UBE2H: variants seen among roughly 807,000 people sequenced by gnomAD.
UBE2H encodes ubiquitin conjugating enzyme E2 H.
A neutral mutation model predicts 29.0 loss-of-function variants in UBE2H; 3 were observed. The observed-to-expected ratio is 0.10, with a 90% CI of 0.05 to 0.27. The LOEUF (loss-of-function observed/expected upper bound fraction) is 0.27, where lower values mean the gene tolerates loss of function less well. Among genes scored for constraint, UBE2H ranks in the 10% least tolerant of loss-of-function variants. The pLI, the probability that UBE2H is intolerant of heterozygous loss-of-function variation, is 1.00. For synonymous variants in UBE2H, 69 were observed against 82.9 expected (o/e 0.83, Z 0.91); for missense variants, 68 against 228.2 (o/e 0.30, Z 4.52).
At chr7:129,843,549 C>T (rs1034185834) in intron 5 of UBE2H, among the ~76,000 whole-genome samples, 8 of 152,176 alleles carry the variant, frequency 5.3e-5, no homozygotes, top group Admixed American at 3.3e-4. Flanking sequence ...GCAAATTTCA[C>T]GAAGGCACAA....
intron 5 of UBE2H, among the ~76,000 whole-genome samples, chr7:129,845,084 T>C (rs1367581861): frequency 6.6e-6 from 1 of 152,194 alleles, no homozygotes; most frequent in East Asian, 1.9e-4. Context: ...GAGCTGAGAT[T>C]GTACCACTGC....
chr7:129,874,775 A>C (rs1806114210), intron 3 of UBE2H, among the ~76,000 whole-genome samples: 1 of 152,198 alleles, frequency 6.6e-6, no homozygotes, highest in Admixed American at 6.5e-5. Flanking sequence ...CAGAAAAGAA[A>C]AAGGTGAGAA....
At chr7:129,855,775 T>C (rs974571814) in intron 5 of UBE2H, among the ~76,000 whole-genome samples, 1 of 152,178 alleles carries the variant, frequency 6.6e-6, no homozygotes, top group African/African-American at 2.4e-5. Context: ...TATGCACCTA[T>C]AGTCCCAGCT....
intron 3 of UBE2H, among the ~76,000 whole-genome samples, chr7:129,871,133 T>TA (rs1372542339): frequency 6.6e-6 from 1 of 152,166 alleles, no homozygotes. Flanking sequence ...CAAAAGAACA[T>TA]AAAGTATTAA....
chr7:129,871,557 T>A (rs746795808), intron 3 of UBE2H, among the ~76,000 whole-genome samples: 1 of 151,866 alleles, frequency 6.6e-6, no homozygotes, highest in Non-Finnish European at 1.5e-5. Flanking sequence ...TCTCCTACAA[T>A]ACAAAAATTA....
At chr7:129,842,869 C>T (rs1805451046) in intron 5 of UBE2H, among the ~76,000 whole-genome samples, 1 of 152,048 alleles carries the variant, frequency 6.6e-6, no homozygotes, top group Non-Finnish European at 1.5e-5. Flanking sequence ...CGCCATTGCA[C>T]CGCAGCCTGT....
At chr7:129,848,376 A>T (rs956127409) in intron 5 of UBE2H, among the ~76,000 whole-genome samples, 2 of 152,242 alleles carry the variant, frequency 1.3e-5, no homozygotes, top group Non-Finnish European at 2.9e-5. Flanking sequence ...CTGGCTTTCC[A>T]AGCCGAAAAT....
Position 129,884,218 on chromosome 7 carries a change from C to T in UBE2H, c.54-3247G>A, listed in dbSNP as rs909284771. ...GGATCACGAGGTCAGGAGATCGAGA[C>T]CATCCTGGTTAACACGGTGAAACCC... On this transcript the variant is annotated intron_variant, in intron 1 of 6. Transcript: ENST00000355621. 5.3e-5 allele frequency among the ~76,000 whole-genome samples: 8 copies of T among 152,190 alleles called. No individual in the cohort carries two copies. In the East Asian group the frequency reaches 9.7e-4, roughly 18 times the overall value.
At chr7:129,860,288 T>C (rs1249362399) in intron 3 of UBE2H, among the ~76,000 whole-genome samples, 1 of 152,224 alleles carries the variant, frequency 6.6e-6, no homozygotes, top group African/African-American at 2.4e-5. Flanking sequence ...CATAATGTTC[T>C]ATCTACTACA....
intron 1 of UBE2H, among the ~76,000 whole-genome samples, chr7:129,918,637 A>G (rs1353698212): frequency 6.6e-6 from 1 of 152,198 alleles, no homozygotes; most frequent in African/African-American, 2.4e-5. Flanking sequence ...AGCTATACCT[A>G]TTCATATTTG....
At chr7:129,886,324 G>A (rs1259904799) in intron 1 of UBE2H, among the ~76,000 whole-genome samples, 3 of 152,092 alleles carry the variant, frequency 2.0e-5, no homozygotes, top group Admixed American at 1.3e-4. Context: ...TTATTTTCCT[G>A]GAATGCCATT....
intron 3 of UBE2H, among the ~76,000 whole-genome samples, chr7:129,869,069 T>G (rs1474494739): frequency 6.6e-6 from 1 of 152,018 alleles, no homozygotes; most frequent in Non-Finnish European, 1.5e-5. Context: ...CCTGAGTAGC[T>G]GGGATTACAG....
intron 6 of UBE2H, 47 bp downstream of exon 6, chr7:129,839,160 C>G (rs367877008): frequency 3.5e-5 from 55 of 1,590,898 alleles, no homozygotes; most frequent in African/African-American, 1.5e-4. Context: ...TGAAGCCCAA[C>G]AGATTTAAGT....
intron 1 of UBE2H, among the ~76,000 whole-genome samples, chr7:129,912,858 C>T (rs1473738134): frequency 1.3e-5 from 2 of 151,420 alleles, no homozygotes; most frequent in African/African-American, 4.8e-5. Context: ...TTAAAAGGCT[C>T]ATTTTTAATA....
At chr7:129,902,432 C>T (rs373541839) in intron 1 of UBE2H, among the ~76,000 whole-genome samples, 9 of 152,106 alleles carry the variant, frequency 5.9e-5, no homozygotes, top group African/African-American at 1.4e-4. Flanking sequence ...ACCTGGGAGG[C>T]GGAGGTTGCA....
At chr7:129,914,693 C>T (rs985069589) in intron 1 of UBE2H, among the ~76,000 whole-genome samples, 10 of 152,128 alleles carry the variant, frequency 6.6e-5, no homozygotes, top group African/African-American at 2.4e-4. Context: ...AGCCCACTCC[C>T]TTGATGAAAT....
chr7:129,934,259 T>C (rs1239534794), intron 1 of UBE2H, among the ~76,000 whole-genome samples: 1 of 151,144 alleles, frequency 6.6e-6, no homozygotes, highest in Non-Finnish European at 1.5e-5. Flanking sequence ...GAGGTGGAGG[T>C]TGCAGTGAGC....
At chr7:129,897,608 A>G (rs1191037936) in intron 1 of UBE2H, among the ~76,000 whole-genome samples, 2 of 152,240 alleles carry the variant, frequency 1.3e-5, no homozygotes, top group African/African-American at 4.8e-5. Flanking sequence ...GAAAAAAGCA[A>G]AACTACAGAT....
At chr7:129,883,686 A>G (rs1323980142) in intron 1 of UBE2H, among the ~76,000 whole-genome samples, 1 of 152,164 alleles carries the variant, frequency 6.6e-6, no homozygotes, top group African/African-American at 2.4e-5. Flanking sequence ...TACTAAAAAC[A>G]CAAAAATTAG....
Sources: gnomAD v4.1 joint callset for allele counts (sites outside exome capture counted in the v4.1 genomes callset) on GRCh38, gnomAD v4.1.1 for gene constraint, MANE v1.5 for transcripts, NCBI Gene and HGNC (gene_info 2026-07-23, HGNC 2026-07-21) for gene names.